CHRNA7: variants seen among roughly 807,000 people sequenced by gnomAD.
CHRNA7 encodes the protein cholinergic receptor nicotinic alpha 7 subunit, also known as neuronal acetylcholine receptor subunit alpha-7.
CHRNA7 carries 17 observed loss-of-function variants against 48.0 expected under a neutral mutation model. The observed-to-expected ratio is 0.35, with a 90% CI of 0.24 to 0.53. The LOEUF (loss-of-function observed/expected upper bound fraction) is 0.53. CHRNA7 is among the 20% of genes least tolerant of loss of function. The probability of loss-of-function intolerance (pLI) is 0.92; values close to 1 mark genes in which losing one functional copy is unlikely to be tolerated. For synonymous variants in CHRNA7, 75 were observed against 242.3 expected, an observed-to-expected ratio of 0.31 and a Z score of 6.41; for missense variants, 155 against 577.7, an observed-to-expected ratio of 0.27 and a Z score of 7.50.
At chr15:32,116,066 G>A (rs756378397) in intron 4 of CHRNA7, among the ~76,000 whole-genome samples, 2 of 152,200 alleles carry the variant, frequency 1.3e-5, no homozygotes, top group Non-Finnish European at 2.9e-5. Flanking sequence ...TCTAGGCGTG[G>A]AAAATAATAT....
rs1476788945 is a variant in CHRNA7 at position 32,030,944 on chromosome 15, C to A, written c.102C>A (p.Val34=). 5.6e-6 allele frequency: 9 copies of A among 1,614,068 alleles called. No homozygotes were observed. Residue 34 remains valine (V), a synonymous_variant, in exon 2 of 10, where the codon GTC becomes GTA. Transcript: ENST00000306901. ...EFQRKLYKEL[V]KNYNPLERPV... is the part of the protein sequence containing the mutation. ...AGAGGAAGCTTTACAAGGAGCTGGT[C>A]AAGAACTACAATCCCTTGGAGAGGC...
chr15:32,099,052 C>G (rs2050524886), intron 2 of CHRNA7: 1 of 152,220 alleles, frequency 6.6e-6, no homozygotes, highest in Admixed American at 6.5e-5. Context: ...GTAGCAATGG[C>G]TTGTGCACTT....
intron 4 of CHRNA7, among the ~76,000 whole-genome samples, chr15:32,141,734 G>A (rs1282096713): frequency 2.0e-5 from 3 of 152,112 alleles, no homozygotes; most frequent in Non-Finnish European, 4.4e-5. Flanking sequence ...GTCTGTTATT[G>A]GTGTATAGGA....
chr15:32,123,106 C>A (rs1057316918), intron 4 of CHRNA7, among the ~76,000 whole-genome samples: 4 of 152,076 alleles, frequency 2.6e-5, no homozygotes, highest in African/African-American at 9.7e-5. Context: ...AGAGGCAAAC[C>A]TGGAATATAA....
rs544466946 is a variant in CHRNA7 at position 32,050,230 on chromosome 15, C to G, written c.195+19193C>G. Among the ~76,000 whole-genome samples, 22 of 152,322 alleles carry G rather than the reference C, an allele frequency of 1.4e-4. No individual in the cohort carries two copies. In the South Asian group the frequency reaches 4.4e-3, roughly 30 times the overall value. ...TGGGGAAGTTCTCATGGATGATATC[C>G]TGCAGAGTGTTTTCCAACTTGGTTC... On this transcript the variant is annotated intron_variant, in intron 2 of 9. Transcript: ENST00000306901.
intron 2 of CHRNA7, among the ~76,000 whole-genome samples, chr15:32,045,871 A>G (rs1325659351): frequency 1.6e-5 from 2 of 128,996 alleles, no homozygotes; most frequent in Admixed American, 1.9e-4. Flanking sequence ...TCCTGTGACC[A>G]TGTGTTCTCA....
At position 32,047,109 on chromosome 15, in the gene CHRNA7, C is replaced by G. The variant is rs553586906; in HGVS notation, c.195+16072C>G. ...TAGTTTGAAGTCAGGTAGCGTGATGCCTCCAGCTTTGTTCTTTTGGCTTAG... is the reference window on the plus strand; with the variant it reads ...TAGTTTGAAGTCAGGTAGCGTGATGGCTCCAGCTTTGTTCTTTTGGCTTAG... On this transcript the variant is annotated intron_variant, in intron 2 of 9. Transcript: ENST00000306901. 3.6e-3 allele frequency among the ~76,000 whole-genome samples: 518 copies of G among 144,374 alleles called. 8 individuals carry two copies. Among genetic ancestry groups the G allele is most frequent in the South Asian group, 8.1e-3 (37 of 4,546 alleles). 94.7% of individuals were successfully genotyped at this position (144,374 alleles called of 152,430 possible).
At chr15:32,136,046 G>A (rs978588608) in intron 4 of CHRNA7, among the ~76,000 whole-genome samples, 3 of 152,196 alleles carry the variant, frequency 2.0e-5, no homozygotes, top group Non-Finnish European at 4.4e-5. Context: ...GGAGTTTACC[G>A]TGCAGGGGCT....
At chr15:32,134,693 C>G (rs2051217258) in intron 4 of CHRNA7, among the ~76,000 whole-genome samples, 1 of 152,056 alleles carries the variant, frequency 6.6e-6, no homozygotes, top group African/African-American at 2.4e-5. Flanking sequence ...ACACTTAAGA[C>G]AATAGAAACT....
intron 2 of CHRNA7, among the ~76,000 whole-genome samples, chr15:32,040,341 T>C (rs184213697): frequency 6.6e-6 from 1 of 152,246 alleles, no homozygotes; most frequent in African/African-American, 2.4e-5. Context: ...CTCTGACTTT[T>C]ATGGTTTAGT....
chr15:32,137,409 T>G (rs904011507), intron 4 of CHRNA7, among the ~76,000 whole-genome samples: 1 of 152,034 alleles, frequency 6.6e-6, no homozygotes, highest in Non-Finnish European at 1.5e-5. Flanking sequence ...ATAGTGATTT[T>G]TTAAAACTAA....
intron 4 of CHRNA7, among the ~76,000 whole-genome samples, chr15:32,124,194 C>T (rs1056850516): frequency 6.6e-6 from 1 of 151,866 alleles, no homozygotes; most frequent in East Asian, 1.9e-4. Flanking sequence ...TGAAAAGGAT[C>T]GAAAAACCAT....
At chr15:32,147,340 C>T (rs1164209833) in intron 4 of CHRNA7, among the ~76,000 whole-genome samples, 1 of 152,208 alleles carries the variant, frequency 6.6e-6, no homozygotes, top group Non-Finnish European at 1.5e-5. Context: ...TAAACTTCTG[C>T]ATCGCATGCG....
At chr15:32,137,490 G>C (rs371783683) in intron 4 of CHRNA7, among the ~76,000 whole-genome samples, 1 of 152,092 alleles carries the variant, frequency 6.6e-6, no homozygotes, top group East Asian at 1.9e-4. Context: ...AGAATTTAAA[G>C]TTTACTGGAT....
At position 32,082,919 on chromosome 15, in the gene CHRNA7, G is replaced by A. The variant is rs374508788; in HGVS notation, c.196-18384G>A. ...GGAGGCCGAGACAGGTGGATCACTC[G>A]TGGTCAGGAGTTCAAGACCAGCCTG... On this transcript the variant is annotated intron_variant, in intron 2 of 9. Transcript: ENST00000306901. 4.6e-4 allele frequency among the ~76,000 whole-genome samples: 70 copies of A among 152,238 alleles called. No individual in the cohort carries two copies. In the South Asian group the frequency reaches 0.012, roughly 25 times the overall value.
At chr15:32,049,324 G>T (rs1024730383) in intron 2 of CHRNA7, among the ~76,000 whole-genome samples, 2 of 151,962 alleles carry the variant, frequency 1.3e-5, no homozygotes, top group African/African-American at 4.8e-5. Context: ...ATGAATCTGG[G>T]TGCTCCTGTA....
At chr15:32,106,698 C>G (rs761391995) in intron 3 of CHRNA7, among the ~76,000 whole-genome samples, 8 of 152,180 alleles carry the variant, frequency 5.3e-5, no homozygotes, top group Non-Finnish European at 1.0e-4. Flanking sequence ...CAGAGACTTA[C>G]ATTTGCTTTT....
At chr15:32,096,014 C>T (rs1005872379) in intron 2 of CHRNA7, among the ~76,000 whole-genome samples, 10 of 152,198 alleles carry the variant, frequency 6.6e-5, no homozygotes, top group African/African-American at 2.4e-4. Context: ...TTATGCATTC[C>T]TCTTCTCCTT....
chr15:32,048,324 A>G (rs1002193563), intron 2 of CHRNA7, among the ~76,000 whole-genome samples: 5 of 152,144 alleles, frequency 3.3e-5, no homozygotes, highest in African/African-American at 1.2e-4. Context: ...TTGGTAAGCT[A>G]TTGATTATTG....
Sources: gnomAD v4.1 joint callset for allele counts (sites outside exome capture counted in the v4.1 genomes callset) on GRCh38, gnomAD v4.1.1 for gene constraint, MANE v1.5 for transcripts, NCBI Gene and HGNC (gene_info 2026-07-23, HGNC 2026-07-21) for gene names.